Variants in SLC9B2 observed in about 807,000 individuals in gnomAD.
SLC9B2 encodes solute carrier family 9 member B2.
A neutral mutation model predicts 52.2 loss-of-function variants in SLC9B2; 39 were observed. That is an observed-to-expected ratio of 0.75 (90% confidence interval 0.58 to 0.98). The LOEUF is 0.98. Ranked by LOEUF, SLC9B2 falls within the 50% of genes least tolerant of loss-of-function variation. SLC9B2 has a pLI of 0.00. For synonymous variants in SLC9B2, 214 were observed against 227.0 expected (o/e 0.94, Z 0.51); for missense variants, 626 against 637.5 (o/e 0.98, Z 0.19).
chr4:103,052,986 G>A (rs1744823410), intron 4 of SLC9B2, among the ~76,000 whole-genome samples: 1 of 152,076 alleles, frequency 6.6e-6, no homozygotes, highest in African/African-American at 2.4e-5. Context: ...CTTGCCTCTA[G>A]GGCCTCCCCT....
chr4:103,026,780 A>G (rs1467037136), intron 11 of SLC9B2, among the ~76,000 whole-genome samples, 189 bp from the exon 12 acceptor site: 1 of 152,260 alleles, frequency 6.6e-6, no homozygotes, highest in African/African-American at 2.4e-5. Context: ...TGGCACATGT[A>G]TACATATATA....
chr4:103,050,493 G>T, intron 4 of SLC9B2, 111 bp from the exon 5 acceptor site: 3 of 988,098 alleles, frequency 3.0e-6, no homozygotes, highest in Non-Finnish European at 4.0e-6. Context: ...CTTCACTTAT[G>T]CTTAGAAGAA....
At chr4:103,033,706 C>A (rs1165781095) in intron 9 of SLC9B2, among the ~76,000 whole-genome samples, 1 of 152,064 alleles carries the variant, frequency 6.6e-6, no homozygotes, top group Admixed American at 6.6e-5. Context: ...TGATCTCATT[C>A]ACAATCGCCA....
intron 10 of SLC9B2, among the ~76,000 whole-genome samples, chr4:103,029,868 C>T (rs1742544957): frequency 6.6e-6 from 1 of 152,114 alleles, no homozygotes; most frequent in Admixed American, 6.6e-5. Context: ...ACCAGAAGCT[C>T]AGAAAGGATA....
Position 103,024,716 on chromosome 4 carries a change from A to G in SLC9B2, c.*1654T>C, listed in dbSNP as rs772689426. On this transcript the variant is annotated 3_prime_UTR_variant, in exon 12 of 12. Transcript: ENST00000394785. ...ATGACAAGTATGTAATAAACACTTC[A>G]GGTACACAGATAACATGATAAAAAC... Among the ~76,000 whole-genome samples, 1 of 152,238 alleles carries G rather than the reference A, an allele frequency of 6.6e-6. No homozygotes were observed. Among genetic ancestry groups the G allele is most frequent in the Non-Finnish European group, 1.5e-5 (1 of 68,038 alleles).
At chr4:103,036,258 C>G (rs767691343) in intron 9 of SLC9B2, among the ~76,000 whole-genome samples, 4 of 152,156 alleles carry the variant, frequency 2.6e-5, no homozygotes, top group Non-Finnish European at 5.9e-5. Context: ...TAATCCTAAG[C>G]TAATTAATGC....
At chr4:103,039,654 T>A (rs1249820597) in intron 9 of SLC9B2, among the ~76,000 whole-genome samples, 1 of 150,402 alleles carries the variant, frequency 6.6e-6, no homozygotes, top group Non-Finnish European at 1.5e-5. Context: ...ATATTCTTTT[T>A]TTTTTTTTTT....
chr4:103,054,895 C>T (rs1022292933), intron 4 of SLC9B2, among the ~76,000 whole-genome samples: 11 of 152,034 alleles, frequency 7.2e-5, no homozygotes, highest in African/African-American at 2.7e-4. Context: ...TGGGTATATA[C>T]CCAAAGGATT....
At chr4:103,045,601 G>T (rs1235360435) in intron 7 of SLC9B2, among the ~76,000 whole-genome samples, 3 of 148,368 alleles carry the variant, frequency 2.0e-5, no homozygotes, top group Non-Finnish European at 4.5e-5. Flanking sequence ...AAGGTCTAAG[G>T]ACCACACGTA....
intron 8 of SLC9B2, among the ~76,000 whole-genome samples, chr4:103,043,740 T>C (rs1439832367): frequency 2.0e-5 from 3 of 152,198 alleles, no homozygotes; most frequent in Non-Finnish European, 4.4e-5. Context: ...GCTTTGGAGC[T>C]GGACAGACCA....
At position 103,022,758 on chromosome 4, in the gene SLC9B2, T is replaced by C. The variant is rs1741886392; in HGVS notation, c.*3612A>G. Among the ~76,000 whole-genome samples, 1 of 152,220 alleles carries C rather than the reference T, an allele frequency of 6.6e-6. No individual in the cohort carries two copies. The highest frequency in any genetic ancestry group is 1.5e-5 in the Non-Finnish European group (1 of 68,030). On this transcript the variant is annotated 3_prime_UTR_variant, in exon 12 of 12. Coordinates refer to ENST00000394785, the MANE Select transcript of SLC9B2 (RefSeq NM_178833.7). ...ATGTCCTTCCCCACACATTCATATGTTGAAGCCTTAACTTCCAATGTGATG... is the reference window on the plus strand; with the variant it reads ...ATGTCCTTCCCCACACATTCATATGCTGAAGCCTTAACTTCCAATGTGATG...
chr4:103,074,153 T>C (rs1449956130), intron 1 of SLC9B2, among the ~76,000 whole-genome samples: 1 of 152,186 alleles, frequency 6.6e-6, no homozygotes, highest in Non-Finnish European at 1.5e-5. Flanking sequence ...GTTGGGATTG[T>C]GGATGGGTTT....
chr4:103,033,779 A>C (rs540511010), intron 9 of SLC9B2, among the ~76,000 whole-genome samples: 147 of 152,276 alleles, frequency 9.7e-4, no homozygotes, highest in Non-Finnish European at 1.2e-3. Context: ...CTACAATGAG[A>C]ATTACAAAAC....
downstream of SLC9B2, chr4:103,020,253 GT>G (rs10676315): frequency 5.8e-3 from 2,230 of 387,016 alleles, 3 homozygotes; most frequent in Middle Eastern, 0.022. Flanking sequence ...ACCTTTGTGA[GT>G]TTTTTTTTTT....
Position 103,026,209 on chromosome 4 carries a change from C to T in SLC9B2, c.*161G>A. 1 of 593,880 alleles carries T rather than the reference C, an allele frequency of 1.7e-6. No homozygotes were observed. The allele number at this position is 593,880 out of a possible 1,614,324, so 36.8% of individuals were successfully genotyped here. A position where few individuals can be genotyped will look rare whatever the true frequency, so the allele number is the denominator to read the frequency against. ...TAAGGTTGGTGATATAGATCATTAC[C>T]ACCCACATGGAAAGAGCAAGGGCTA... On this transcript the variant is annotated 3_prime_UTR_variant, in exon 12 of 12. Transcript: ENST00000394785.
At chr4:103,049,938 G>A (rs1013205683) in intron 5 of SLC9B2, among the ~76,000 whole-genome samples, 23 of 151,748 alleles carry the variant, frequency 1.5e-4, no homozygotes, top group Non-Finnish European at 2.4e-4. Flanking sequence ...ACTTGAACCC[G>A]GGAGACAGAG....
chr4:103,066,384 G>C lies in SLC9B2; in HGVS notation c.214C>G (p.Leu72Val). ...GGAGGGCAAGCCAGCATTTGTCTCA[G>C]TCTTTGTACGTGATTTGCTTCAGTT... ...TPTEANHVQR[L>V]RQMLACPPHG... Residue 72 changes from leucine (L) to valine (V), a missense_variant, in exon 3 of 12, where the codon CTG becomes GTG. Coordinates refer to ENST00000394785, the MANE Select transcript of SLC9B2 (RefSeq NM_178833.7). 1 of 1,614,008 alleles carries C rather than the reference G, an allele frequency of 6.2e-7. No homozygotes were observed. The highest frequency in any genetic ancestry group is 8.5e-7 in the Non-Finnish European group (1 of 1,179,932).
At chr4:103,057,444 C>G (rs1005761784) in intron 4 of SLC9B2, among the ~76,000 whole-genome samples, 2 of 151,936 alleles carry the variant, frequency 1.3e-5, no homozygotes, top group African/African-American at 4.8e-5. Flanking sequence ...GCTGGGACTA[C>G]AGGTGCACGT....
In SLC9B2 at chr4:103,042,384, A is replaced by T. The variant is rs571780685; in HGVS notation, c.1146+912T>A. ...AATCCTATCAAGTTCAAATCTACAA[A>T]AATGAATCTGAAAATTAAAATAAAT... On this transcript the variant is annotated intron_variant, in intron 9 of 11. Transcript: ENST00000394785. 9.2e-5 allele frequency: 14 copies of T among 152,260 alleles called. 1 individual carries two copies. In the Middle Eastern group the frequency reaches 0.017, roughly 185 times the overall value. 9.4% of individuals were successfully genotyped at this position (152,260 alleles called of 1,614,324 possible).
Sources: gnomAD v4.1 joint callset for allele counts (sites outside exome capture counted in the v4.1 genomes callset) on GRCh38, gnomAD v4.1.1 for gene constraint, MANE v1.5 for transcripts, NCBI Gene and HGNC (gene_info 2026-07-23, HGNC 2026-07-21) for gene names.